The following ACVR1B variants were observed in gnomAD, a reference collection of about 807,000 sequenced individuals.
ACVR1B encodes the protein activin A receptor type 1B.
ACVR1B carries 15 observed loss-of-function variants against 55.6 expected under a neutral mutation model. The observed-to-expected ratio is 0.27, with a 90% CI of 0.18 to 0.42. The LOEUF (loss-of-function observed/expected upper bound fraction) is 0.42. ACVR1B is among the 10% of genes least tolerant of loss of function. The pLI, the probability that ACVR1B is intolerant of heterozygous loss-of-function variation, is 1.00. For missense variants in ACVR1B, 359 were observed against 670.1 expected (o/e 0.54, Z 5.13); for synonymous variants, 247 against 254.6 (o/e 0.97, Z 0.28).
chr12:51,979,163 CA>C (rs1164099929), intron 3 of ACVR1B, among the ~76,000 whole-genome samples: 443 of 57,100 alleles, frequency 7.8e-3, no homozygotes, highest in African/African-American at 0.023. Context: ...AGCTCCGTCT[CA>C]AAAAAAAAAA....
intron 1 of ACVR1B, among the ~76,000 whole-genome samples, chr12:51,967,198 C>T (rs1160932820): frequency 1.3e-5 from 2 of 151,630 alleles, no homozygotes; most frequent in Non-Finnish European, 2.9e-5. Context: ...AGAGATTGTG[C>T]CACTGCACTC....
chr12:51,967,555 G>A (rs868193300), intron 1 of ACVR1B, among the ~76,000 whole-genome samples: 6 of 152,126 alleles, frequency 3.9e-5, no homozygotes, highest in Non-Finnish European at 8.8e-5. Context: ...GCAAGACTCC[G>A]TCTTAAAAAC....
At chr12:51,961,867 T>C (rs1191349695) in intron 1 of ACVR1B, among the ~76,000 whole-genome samples, 1 of 152,134 alleles carries the variant, frequency 6.6e-6, no homozygotes, top group African/African-American at 2.4e-5. Context: ...CACACATAGG[T>C]CCCAGGAACA....
At chr12:51,961,214 T>G (rs1054682342) in intron 1 of ACVR1B, among the ~76,000 whole-genome samples, 13 of 152,206 alleles carry the variant, frequency 8.5e-5, no homozygotes, top group Non-Finnish European at 1.9e-4. Context: ...GCCCAAAGAA[T>G]TGGTGCGGGG....
intron 3 of ACVR1B, among the ~76,000 whole-genome samples, chr12:51,980,280 TTTGA>T (rs1413683405): frequency 6.6e-6 from 1 of 152,142 alleles, no homozygotes; most frequent in Non-Finnish European, 1.5e-5. Flanking sequence ...GTATTAATTA[TTTGA>T]TTGGGGGTGG....
At chr12:51,954,863 C>G (rs1394580362) in intron 1 of ACVR1B, among the ~76,000 whole-genome samples, 18 of 152,152 alleles carry the variant, frequency 1.2e-4, no homozygotes, top group Admixed American at 1.1e-3. Context: ...ATAAGCAATG[C>G]TGGGTTACTT....
At chr12:51,981,691 C>T (rs1941982191) in intron 4 of ACVR1B, among the ~76,000 whole-genome samples, 1 of 152,020 alleles carries the variant, frequency 6.6e-6, no homozygotes, top group African/African-American at 2.4e-5. Context: ...AATGAGCTGG[C>T]CACGGTGACA....
chr12:51,967,635 G>A (rs1941668159), intron 1 of ACVR1B, among the ~76,000 whole-genome samples: 1 of 152,180 alleles, frequency 6.6e-6, no homozygotes, highest in Admixed American at 6.5e-5. Context: ...GGTACTAGTG[G>A]GAATGTCTGG....
Position 51,985,349 on chromosome 12 carries a change from G to T in ACVR1B, c.1136+1G>T. ...CGAATCAGAGGGTGGGGACCAAACG[G>T]TAGGAGGGCCTGGGACTCTGCCCTT... is the stretch of plus-strand genomic sequence containing the variant. On this transcript the variant is annotated splice_donor_variant, in intron 6 of 8. Transcript: ENST00000257963. LOFTEE classifies it high-confidence loss of function. 6.2e-7 allele frequency: 1 copy of T among 1,609,968 alleles called. No individual in the cohort carries two copies. The highest frequency in any genetic ancestry group is 8.5e-7 in the Non-Finnish European group (1 of 1,178,222).
intron 2 of ACVR1B, 114 bp downstream of exon 2, chr12:51,975,618 G>A: frequency 7.3e-7 from 1 of 1,379,300 alleles, no homozygotes; most frequent in Middle Eastern, 2.0e-4. Flanking sequence ...GATGCCTTTT[G>A]GATGTTCCCG....
At chr12:51,986,072 A>G (rs951112927) in intron 6 of ACVR1B, among the ~76,000 whole-genome samples, 5 of 152,192 alleles carry the variant, frequency 3.3e-5, no homozygotes, top group African/African-American at 4.8e-5. Flanking sequence ...ACATATCTAT[A>G]GTCAGGTAAG....
intron 1 of ACVR1B, among the ~76,000 whole-genome samples, 192 bp downstream of exon 1, chr12:51,952,026 A>T (rs1222187284): frequency 6.6e-6 from 1 of 151,334 alleles, no homozygotes; most frequent in East Asian, 2.0e-4. Context: ...CCCGGCGGCG[A>T]CGGAGCTCAC....
intron 2 of ACVR1B, among the ~76,000 whole-genome samples, chr12:51,975,790 C>T (rs181507562): frequency 3.3e-4 from 51 of 152,260 alleles, no homozygotes; most frequent in African/African-American, 1.1e-3. Context: ...GGGATTCCCA[C>T]GGGAGGATGT....
At chr12:51,988,962 A>C (rs1193350035) in intron 7 of ACVR1B, among the ~76,000 whole-genome samples, 1 of 152,108 alleles carries the variant, frequency 6.6e-6, no homozygotes, top group African/African-American at 2.4e-5. Context: ...TACAAAAATA[A>C]AAAAATTAGC....
Position 51,996,944 on chromosome 12 carries a change from A to G in ACVR1B, c.*2834A>G, listed in dbSNP as rs1942309929. On this transcript the variant is annotated 3_prime_UTR_variant, in exon 9 of 9. Transcript: ENST00000257963. ...TGTACATTTTATTAGAAAGGACTGT[A>G]AAATAGCCACTTAGACACTTTACCT... The G allele has an allele frequency of 6.5e-6, 1 of 152,688 alleles. No homozygotes were observed. Among genetic ancestry groups the G allele is most frequent in the Admixed American group, 6.5e-5 (1 of 15,284 alleles). 9.5% of individuals were successfully genotyped at this position (152,688 alleles called of 1,614,324 possible). A position where few individuals can be genotyped will look rare whatever the true frequency, so the allele number is the denominator to read the frequency against.
chr12:51,972,508 C>T (rs1319763622), intron 1 of ACVR1B, among the ~76,000 whole-genome samples: 3 of 152,208 alleles, frequency 2.0e-5, no homozygotes, highest in Non-Finnish European at 4.4e-5. Context: ...TTAGACTATG[C>T]CATCTAAGTT....
At chr12:51,956,003 C>T (rs1941401945) in intron 1 of ACVR1B, among the ~76,000 whole-genome samples, 1 of 152,236 alleles carries the variant, frequency 6.6e-6, no homozygotes, top group Non-Finnish European at 1.5e-5. Context: ...CCATTTCTGT[C>T]CATGTCTGCT....
At chr12:51,967,096 C>G (rs113749640) in intron 1 of ACVR1B, among the ~76,000 whole-genome samples, 1,898 of 151,224 alleles carry the variant, frequency 0.013, 26 homozygotes, top group African/African-American at 0.044. Flanking sequence ...AAAAATTAGC[C>G]GGACGTGGTG....
intron 1 of ACVR1B, among the ~76,000 whole-genome samples, chr12:51,971,214 A>G (rs1326002560): frequency 3.3e-5 from 5 of 152,230 alleles, no homozygotes; most frequent in Admixed American, 2.0e-4. Flanking sequence ...TACTCAAAAC[A>G]CAGCCTGTCT....
Sources: allele counts gnomAD v4.1 joint callset (sites outside exome capture counted in the v4.1 genomes callset), GRCh38; gene constraint gnomAD v4.1.1; transcripts MANE v1.5; gene names NCBI Gene and HGNC (gene_info 2026-07-23, HGNC 2026-07-21).